The following ROR2 variants were observed in gnomAD, a reference collection of about 807,000 sequenced individuals.
ROR2 encodes ROR family WNT receptor 2, also known as tyrosine-protein kinase transmembrane receptor ROR2.
A neutral mutation model predicts 74.9 loss-of-function variants in ROR2; 33 were observed. That is an observed-to-expected ratio of 0.44 (90% CI 0.33 to 0.59). The LOEUF (loss-of-function observed/expected upper bound fraction) is 0.59. ROR2 is among the 20% of genes least tolerant of loss of function. The probability of loss-of-function intolerance (pLI) is 0.02; values close to 1 mark genes in which losing one functional copy is unlikely to be tolerated. For synonymous variants in ROR2, 586 were observed against 558.7 expected (o/e 1.05, Z -0.69); for missense variants, 1,216 against 1,313.8 (o/e 0.93, Z 1.15).
At chr9:91,906,416 C>T (rs1005604894) in intron 1 of ROR2, among the ~76,000 whole-genome samples, 7 of 152,206 alleles carry the variant, frequency 4.6e-5, no homozygotes, top group African/African-American at 1.7e-4. Context: ...CGTCTCAGCT[C>T]CCAGGAAACC....
intron 1 of ROR2, chr9:91,923,917 C>T (rs1831332806): frequency 6.6e-6 from 1 of 152,244 alleles, no homozygotes; most frequent in Non-Finnish European, 1.5e-5. Context: ...GGTCAACTGT[C>T]CTGTGTGGCT....
At chr9:91,835,790 G>A (rs1013852263) in intron 1 of ROR2, among the ~76,000 whole-genome samples, 4 of 152,202 alleles carry the variant, frequency 2.6e-5, no homozygotes, top group African/African-American at 9.7e-5. Context: ...TGGAGGCCAA[G>A]CCACCTGCCA....
intron 1 of ROR2, among the ~76,000 whole-genome samples, chr9:91,776,590 C>T (rs1416838436): frequency 3.3e-5 from 5 of 152,228 alleles, no homozygotes; most frequent in Non-Finnish European, 7.3e-5. Flanking sequence ...TGGTGCTGCA[C>T]CCCTGGGGGA....
At chr9:91,819,445 T>C (rs1359425712) in intron 1 of ROR2, among the ~76,000 whole-genome samples, 1 of 152,206 alleles carries the variant, frequency 6.6e-6, no homozygotes, top group East Asian at 1.9e-4. Context: ...GTGTGTTCTG[T>C]GTGTGTCTGT....
At chr9:91,897,688 G>A (rs1037595028) in intron 1 of ROR2, among the ~76,000 whole-genome samples, 1 of 152,126 alleles carries the variant, frequency 6.6e-6, no homozygotes, top group Non-Finnish European at 1.5e-5. Context: ...AGGCCCAGGG[G>A]CATCTCACAA....
chr9:91,913,779 G>T (rs1831052180), intron 1 of ROR2, among the ~76,000 whole-genome samples: 1 of 152,152 alleles, frequency 6.6e-6, no homozygotes, highest in Non-Finnish European at 1.5e-5. Flanking sequence ...AATGCATACA[G>T]AAAGTAGAGG....
chr9:91,754,158 T>G (rs1587687351), intron 4 of ROR2, among the ~76,000 whole-genome samples: 1 of 151,850 alleles, frequency 6.6e-6, no homozygotes, highest in Non-Finnish European at 1.5e-5. Context: ...TAACTTAAAG[T>G]GAGAAGAAAG....
At chr9:91,861,676 A>C (rs1829471526) in intron 1 of ROR2, among the ~76,000 whole-genome samples, 1 of 152,246 alleles carries the variant, frequency 6.6e-6, no homozygotes, top group African/African-American at 2.4e-5. Flanking sequence ...GTACCTTTTC[A>C]TAACCTTGAG....
chr9:91,795,404 A>C (rs987459844), intron 1 of ROR2, among the ~76,000 whole-genome samples: 1 of 152,222 alleles, frequency 6.6e-6, no homozygotes, highest in African/African-American at 2.4e-5. Flanking sequence ...GAATATACTT[A>C]AGCAGTTTAA....
intron 1 of ROR2, among the ~76,000 whole-genome samples, chr9:91,807,614 C>G (rs1827609013): frequency 6.6e-6 from 1 of 152,166 alleles, no homozygotes. Flanking sequence ...TCTTGCAGAA[C>G]TGAATCCTCA....
intron 1 of ROR2, among the ~76,000 whole-genome samples, chr9:91,804,533 GGA>G (rs1285074371): frequency 1.3e-5 from 2 of 152,226 alleles, no homozygotes; most frequent in Non-Finnish European, 2.9e-5. Flanking sequence ...CATCTCCTGA[GGA>G]GAGAGAAAGG....
At chr9:91,898,485 C>T (rs373397558) in intron 1 of ROR2, among the ~76,000 whole-genome samples, 1 of 152,218 alleles carries the variant, frequency 6.6e-6, no homozygotes, top group East Asian at 1.9e-4. Flanking sequence ...AACCCCAAGA[C>T]GTCCTACAGA....
chr9:91,756,198 C>T (rs1194406851), intron 3 of ROR2, 97 bp from the exon 4 acceptor site: 25 of 1,227,856 alleles, frequency 2.0e-5, no homozygotes, highest in South Asian at 9.9e-5. Flanking sequence ...CTGAAGCCAG[C>T]GGGCTCACTG....
chr9:91,863,510 T>C (rs1361266777), intron 1 of ROR2, among the ~76,000 whole-genome samples: 2 of 151,708 alleles, frequency 1.3e-5, no homozygotes, highest in Non-Finnish European at 2.9e-5. Flanking sequence ...GAACTTAAAG[T>C]AAAAGAAAAG....
At chr9:91,757,933 G>A (rs1825813152) in intron 2 of ROR2, among the ~76,000 whole-genome samples, 1 of 152,152 alleles carries the variant, frequency 6.6e-6, no homozygotes, top group East Asian at 1.9e-4. Context: ...ATGCCTGAAC[G>A]AAGCTTCTCT....
chr9:91,780,704 T>A (rs1826589847), intron 1 of ROR2, among the ~76,000 whole-genome samples: 1 of 152,086 alleles, frequency 6.6e-6, no homozygotes, highest in South Asian at 2.1e-4. Flanking sequence ...GGCAGGAGAA[T>A]CACTTGAATC....
intron 3 of ROR2, among the ~76,000 whole-genome samples, chr9:91,756,795 T>G (rs1356742215): frequency 2.8e-5 from 4 of 143,416 alleles, no homozygotes; most frequent in Admixed American, 7.1e-5. Flanking sequence ...TTGTCACCCA[T>G]GCTGGAATGC....
chr9:91,725,422 C>A (rs1836992518), intron 8 of ROR2, among the ~76,000 whole-genome samples: 1 of 152,226 alleles, frequency 6.6e-6, no homozygotes, highest in Non-Finnish European at 1.5e-5. Flanking sequence ...TGTGGACACA[C>A]ACACACACCC....
chr9:91,911,815 A>C (rs182420928), intron 1 of ROR2, among the ~76,000 whole-genome samples: 143 of 151,516 alleles, frequency 9.4e-4, no homozygotes, highest in African/African-American at 3.4e-3. Flanking sequence ...TAGCTCCTTA[A>C]CCCAGTGATC....
Sources: gnomAD v4.1 joint callset for allele counts (sites outside exome capture counted in the v4.1 genomes callset) on GRCh38, gnomAD v4.1.1 for gene constraint, MANE v1.5 for transcripts, NCBI Gene and HGNC (gene_info 2026-07-23, HGNC 2026-07-21) for gene names.